The following OR8G5 variants were observed in gnomAD, a reference collection of about 807,000 sequenced individuals.
OR8G5 encodes the protein olfactory receptor 8G5.
For missense variants in OR8G5, 347 were observed against 371.9 expected (o/e 0.93, Z 0.55); for synonymous variants, 147 against 147.7 (o/e 1.00, Z 0.03).
intron 1 of OR8G5, among the ~76,000 whole-genome samples, chr11:124,257,471 T>G (rs1861924849): frequency 1.3e-5 from 2 of 152,116 alleles, no homozygotes; most frequent in Non-Finnish European, 2.9e-5. Flanking sequence ...AAGAGAGATG[T>G]GTGGACGCAA....
chr11:124,256,384 G>A lies in OR8G5; in HGVS notation c.-265G>A, dbSNP rs1345653701. ...AGCAATCAAAACTGCTCAGGCCACT[G>A]TAAAAGGGGAGGATGTGTGCTAGAG... On this transcript the variant is annotated 5_prime_UTR_variant, in exon 1 of 2. Transcript: ENST00000641992. The A allele has an allele frequency of 8.1e-6, 1 of 122,730 alleles. No homozygotes were observed. The highest frequency in any genetic ancestry group is 1.8e-5 in the Non-Finnish European group (1 of 54,192). 7.6% of individuals were successfully genotyped at this position (122,730 alleles called of 1,614,324 possible). A position where few individuals can be genotyped will look rare whatever the true frequency, so the allele number is the denominator to read the frequency against.
Position 124,265,980 on chromosome 11 carries a change from G to T in OR8G5, c.*113G>T, listed in dbSNP as rs1419813317. On this transcript the variant is annotated 3_prime_UTR_variant, in exon 2 of 2. Coordinates refer to ENST00000641992, the MANE Select transcript of OR8G5 (RefSeq NM_001005198.2). ...GTCAACATTCTTTCTAATTTGGGGG[G>T]ATTTTACTGACGTTATGTCTTATGC... 6.8e-6 allele frequency: 9 copies of T among 1,314,924 alleles called. No individual in the cohort carries two copies. Among genetic ancestry groups the T allele is most frequent in the African/African-American group, 3.0e-5 (2 of 67,066 alleles). 81.5% of individuals were successfully genotyped at this position (1,314,924 alleles called of 1,614,324 possible).
chr11:124,261,981 A>G (rs1565319440), intron 1 of OR8G5, among the ~76,000 whole-genome samples: 1 of 151,916 alleles, frequency 6.6e-6, no homozygotes, highest in Non-Finnish European at 1.5e-5. Context: ...TAACTTTGAT[A>G]TATCAAAACT....
At chr11:124,264,211 G>A (rs1862004677) in intron 1 of OR8G5, among the ~76,000 whole-genome samples, 2 of 146,868 alleles carry the variant, frequency 1.4e-5, no homozygotes, top group South Asian at 2.2e-4. Flanking sequence ...CATGCTCAAG[G>A]GTATTGGCTA....
At chr11:124,262,294 TGAAGAA>T (rs1329618144) in intron 1 of OR8G5, among the ~76,000 whole-genome samples, 3 of 151,812 alleles carry the variant, frequency 2.0e-5, no homozygotes, top group Non-Finnish European at 4.4e-5. Flanking sequence ...GATTCAGGAA[TGAAGAA>T]GCAAAAAATT....
At chr11:124,262,672 T>TACACACACACACACAC (rs144755103) in intron 1 of OR8G5, among the ~76,000 whole-genome samples, 23 of 150,972 alleles carry the variant, frequency 1.5e-4, no homozygotes, top group Admixed American at 1.2e-3. Flanking sequence ...TATATGTACA[T>TACACACACACACACAC]ATACACACAC....
chr11:124,260,241 A>C (rs775283308), intron 1 of OR8G5, among the ~76,000 whole-genome samples: 2 of 152,052 alleles, frequency 1.3e-5, no homozygotes, highest in Non-Finnish European at 2.9e-5. Flanking sequence ...CTGAGCCATA[A>C]AAAGGAACAA....
intron 1 of OR8G5, among the ~76,000 whole-genome samples, chr11:124,261,217 T>C (rs941785956): frequency 4.5e-5 from 5 of 112,116 alleles, no homozygotes; most frequent in African/African-American, 1.4e-4. Context: ...GACTTAAGTT[T>C]GTCTAATTTA....
Position 124,266,223 on chromosome 11 carries a change from A to G in OR8G5, c.*356A>G, listed in dbSNP as rs576000110. The G allele has an allele frequency of 6.6e-5, 13 of 198,032 alleles. No homozygotes were observed. Among genetic ancestry groups the G allele is most frequent in the African/African-American group, 1.9e-4 (8 of 42,542 alleles). The allele number at this position is 198,032 out of a possible 1,614,324, so 12.3% of individuals were successfully genotyped here. On this transcript the variant is annotated 3_prime_UTR_variant, in exon 2 of 2. Coordinates refer to ENST00000641992, the MANE Select transcript of OR8G5 (RefSeq NM_001005198.2). ...CACTATCTTCTGGTGATAAAATACTATCATGCGGTGATGACTAGCAATCTG... is the reference window on the plus strand; with the variant it reads ...CACTATCTTCTGGTGATAAAATACTGTCATGCGGTGATGACTAGCAATCTG...
At chr11:124,258,597 GAC>G (rs1022357325) in intron 1 of OR8G5, among the ~76,000 whole-genome samples, 1 of 151,550 alleles carries the variant, frequency 6.6e-6, no homozygotes, top group African/African-American at 2.4e-5. Context: ...TAATAAAAAA[GAC>G]ATTCATAATT....
At chr11:124,260,520 A>G (rs959006206) in intron 1 of OR8G5, among the ~76,000 whole-genome samples, 2 of 151,860 alleles carry the variant, frequency 1.3e-5, no homozygotes, top group African/African-American at 4.8e-5. Context: ...TTAAAAAAAG[A>G]ATTACATATT....
At chr11:124,260,983 T>C (rs2512181) in intron 1 of OR8G5, among the ~76,000 whole-genome samples, 72,387 of 150,390 alleles carry the variant, frequency 0.48, 18,411 homozygotes, top group East Asian at 0.58. Context: ...CCACACCCAG[T>C]CAGTCTTTCC....
intron 1 of OR8G5, among the ~76,000 whole-genome samples, chr11:124,257,693 A>G (rs1452236354): frequency 2.0e-5 from 3 of 152,164 alleles, no homozygotes; most frequent in African/African-American, 7.2e-5. Context: ...CTGGTGGTTA[A>G]TCTTTCCTGG....
rs748334623 is a variant in OR8G5 at position 124,264,945 on chromosome 11, A to T, written c.14A>T (p.Asn5Ile). 4 of 1,613,676 alleles carry T rather than the reference A, an allele frequency of 2.5e-6. No individual in the cohort carries two copies. The highest frequency in any genetic ancestry group is 3.4e-6 in the Non-Finnish European group (4 of 1,179,802). Residue 5 changes from asparagine (N) to isoleucine (I), a missense_variant, in exon 2 of 2, where the codon AAC (asparagine) becomes ATC (isoleucine). Physicochemically the swap from Asn to Ile is moderately radical, Grantham distance 149. Coordinates refer to ENST00000641992, the MANE Select transcript of OR8G5 (RefSeq NM_001005198.2). MAAENHSFVTKFILV... is the reference protein window; with the variant it reads MAAEIHSFVTKFILV... The stretch of plus-strand genomic sequence containing the variant: ...ACTCATCAAAGAATGGCAGCAGAAA[A>T]CCATTCTTTTGTGACTAAGTTTATT...
chr11:124,262,811 C>T (rs1861986414), intron 1 of OR8G5, among the ~76,000 whole-genome samples: 1 of 151,964 alleles, frequency 6.6e-6, no homozygotes, highest in Non-Finnish European at 1.5e-5. Context: ...TTTATGTAGA[C>T]AAATGTTTAC....
chr11:124,263,342 A>T (rs2512175), intron 1 of OR8G5, among the ~76,000 whole-genome samples: 73,041 of 151,642 alleles, frequency 0.48, 18,352 homozygotes, highest in East Asian at 0.58. Context: ...TTTGCTTTTT[A>T]AAAAATATTT....
chr11:124,265,200 A>G lies in OR8G5; in HGVS notation c.269A>G (p.Asn90Ser). Residue 90 changes from asparagine to serine, a missense_variant, in exon 2 of 2, where the codon AAC (asparagine) becomes AGC (serine). Transcript: ENST00000641992. The part of the protein sequence containing the change: ...KMLVNFVTEK[N>S]IISYPECMTQ... Reference sequence around the variant, plus strand: ...CTGGTGAACTTTGTGACAGAGAAGAACATCATCTCCTACCCTGAATGCATG... The same window carrying G: ...CTGGTGAACTTTGTGACAGAGAAGAGCATCATCTCCTACCCTGAATGCATG... 1 of 1,614,096 alleles carries G rather than the reference A, an allele frequency of 6.2e-7. No homozygotes were observed. The highest frequency in any genetic ancestry group is 8.5e-7 in the Non-Finnish European group (1 of 1,179,966).
At chr11:124,261,108 C>A (rs1861966913) in intron 1 of OR8G5, among the ~76,000 whole-genome samples, 1 of 151,838 alleles carries the variant, frequency 6.6e-6, no homozygotes, top group Non-Finnish European at 1.5e-5. Flanking sequence ...TTTCACTTAA[C>A]CATCAAATTA....
Position 124,256,545 on chromosome 11 carries a change from A to C in OR8G5, c.-104A>C, listed in dbSNP as rs1430151593. On this transcript the variant is annotated 5_prime_UTR_variant, in exon 1 of 2. Coordinates refer to ENST00000641992, the MANE Select transcript of OR8G5 (RefSeq NM_001005198.2). ...ACAGAACGCTGGCTTGGTACCTATG[A>C]CTTCCAACAGCAGCATTAGTGCCAT... 1 of 152,174 alleles carries C rather than the reference A, an allele frequency of 6.6e-6. No individual in the cohort carries two copies. Among genetic ancestry groups the C allele is most frequent in the African/African-American group, 2.4e-5 (1 of 41,436 alleles). The allele number at this position is 152,174 out of a possible 1,614,324, so 9.4% of individuals were successfully genotyped here.
Sources: gnomAD v4.1 joint callset for allele counts (sites outside exome capture counted in the v4.1 genomes callset) on GRCh38, gnomAD v4.1.1 for gene constraint, MANE v1.5 for transcripts, NCBI Gene and HGNC (gene_info 2026-07-23, HGNC 2026-07-21) for gene names.